Variants in HNF4A observed in about 807,000 individuals in gnomAD.
HNF4A encodes hepatocyte nuclear factor 4-alpha.
Under a neutral mutation model 52.4 loss-of-function variants are expected in HNF4A, and 15 were observed. The ratio of observed to expected loss-of-function variants is 0.29; its 90% CI spans 0.19 to 0.44. The LOEUF is 0.44. Among genes scored for constraint, HNF4A ranks in the 20% least tolerant of loss-of-function variants. The pLI is 1.00. For missense variants in HNF4A, 479 were observed against 647.2 expected (o/e 0.74, Z 2.82); for synonymous variants, 280 against 264.4 (o/e 1.06, Z -0.57).
chr20:44,382,063 A>G (rs927791870), intron 1 of HNF4A, among the ~76,000 whole-genome samples: 2 of 152,224 alleles, frequency 1.3e-5, no homozygotes, highest in East Asian at 1.9e-4. Context: ...TAAGGCTTGA[A>G]GAGCTTATGA....
rs2063514038 is a variant in HNF4A at position 44,407,245 on chromosome 20, G to A, written c.291-136G>A. 1.4e-5 allele frequency: 10 copies of A among 731,846 alleles called. No individual in the cohort carries two copies. In the East Asian group the frequency reaches 2.4e-4, roughly 18 times the overall value. The allele number at this position is 731,846 out of a possible 1,614,324, so 45.3% of individuals were successfully genotyped here. ...ATAGCACCTTTCCAGCTCCTGGTGG[G>A]TTCAAGAGAGAACTCCCGGGATGAA... On this transcript the variant is annotated intron_variant, in intron 2 of 9. Coordinates refer to ENST00000316099, the MANE Select transcript of HNF4A (RefSeq NM_000457.6).
chr20:44,379,989 C>A (rs147580496), intron 1 of HNF4A, among the ~76,000 whole-genome samples: 1 of 152,202 alleles, frequency 6.6e-6, no homozygotes, highest in African/African-American at 2.4e-5. Context: ...GCCTTGGCCT[C>A]CCAAAGTGCT....
At chr20:44,411,652 C>T (rs1362778216) in intron 3 of HNF4A, among the ~76,000 whole-genome samples, 1 of 152,172 alleles carries the variant, frequency 6.6e-6, no homozygotes, top group African/African-American at 2.4e-5. Flanking sequence ...GACTCCCGGG[C>T]TCAAGTGCAA....
intron 8 of HNF4A, 114 bp from the exon 9 acceptor site, chr20:44,428,221 C>A: frequency 9.7e-7 from 1 of 1,029,660 alleles, no homozygotes; most frequent in Non-Finnish European, 1.5e-6. Context: ...ACCCAACAGG[C>A]ACTGCCAATA....
chr20:44,359,809 TG>T (rs71195541), intron 1 of HNF4A, among the ~76,000 whole-genome samples: 28,877 of 152,072 alleles, frequency 0.19, 3,508 homozygotes, highest in East Asian at 0.44. Flanking sequence ...AAGGTAGTTC[TG>T]GGGAGTGTCT....
chr20:44,357,517 C>T (rs913114212), intron 1 of HNF4A, among the ~76,000 whole-genome samples: 1 of 152,136 alleles, frequency 6.6e-6, no homozygotes, highest in Non-Finnish European at 1.5e-5. Context: ...TAGGGGTGAA[C>T]AGAAGGCCCC....
At chr20:44,428,152 C>A (rs1042514714) in intron 8 of HNF4A, among the ~76,000 whole-genome samples, 183 bp from the exon 9 acceptor site, 1 of 152,146 alleles carries the variant, frequency 6.6e-6, no homozygotes, top group Non-Finnish European at 1.5e-5. Context: ...CCTCTTAACA[C>A]CCTCATGAAG....
intron 7 of HNF4A, among the ~76,000 whole-genome samples, chr20:44,420,578 G>A (rs1054112718): frequency 1.3e-5 from 2 of 152,066 alleles, no homozygotes; most frequent in Admixed American, 6.6e-5. Context: ...CCAGGAGTTC[G>A]AGGCCAGCCT....
At chr20:44,411,797 G>A (rs1311804622) in intron 3 of HNF4A, among the ~76,000 whole-genome samples, 6 of 151,928 alleles carry the variant, frequency 3.9e-5, no homozygotes, top group Non-Finnish European at 5.9e-5. Flanking sequence ...GTGGTGCCTC[G>A]CACCTGTAAT....
chr20:44,416,237 A>G (rs554422707), intron 5 of HNF4A, among the ~76,000 whole-genome samples: 4 of 152,320 alleles, frequency 2.6e-5, no homozygotes, highest in East Asian at 3.9e-4. Flanking sequence ...AGCTTGCCCA[A>G]TGCAGGTGGG....
At chr20:44,400,510 G>C (rs914694693), upstream of HNF4A, among the ~76,000 whole-genome samples, 5 of 152,032 alleles carry the variant, frequency 3.3e-5, no homozygotes, top group Non-Finnish European at 7.4e-5. Flanking sequence ...TTAGTAGACG[G>C]TAGGTGCCTG....
At chr20:44,407,531 C>T in intron 3 of HNF4A, 56 bp downstream of exon 3, 1 of 1,187,150 alleles carries the variant, frequency 8.4e-7, no homozygotes, top group South Asian at 1.3e-5. Context: ...CCCACAGCTC[C>T]CCGACAGTCA....
chr20:44,424,280 G>T, intron 8 of HNF4A, 26 bp downstream of exon 8: 1 of 1,611,908 alleles, frequency 6.2e-7, no homozygotes, highest in East Asian at 2.2e-5. Flanking sequence ...AGGAGGGGCG[G>T]GGTTGGAGTG....
intron 3 of HNF4A, among the ~76,000 whole-genome samples, chr20:44,410,300 A>G (rs1366322303): frequency 6.6e-6 from 1 of 152,220 alleles, no homozygotes; most frequent in Non-Finnish European, 1.5e-5. Context: ...GAGTTGGCTG[A>G]TGGCGAGTGA....
At chr20:44,413,632 G>A in intron 3 of HNF4A, 62 bp from the exon 4 acceptor site, 2 of 1,239,032 alleles carry the variant, frequency 1.6e-6, no homozygotes, top group South Asian at 2.5e-5. Context: ...ATCAGTCACA[G>A]ACACCCCCAC....
intron 1 of HNF4A, among the ~76,000 whole-genome samples, chr20:44,368,135 T>TATAC (rs1491265841): frequency 7.1e-5 from 3 of 42,352 alleles, no homozygotes; most frequent in African/African-American, 3.1e-4. Context: ...TGTGTGTGTG[T>TATAC]ATATACATAT....
intron 1 of HNF4A, among the ~76,000 whole-genome samples, chr20:44,385,846 C>T (rs887466071): frequency 6.6e-6 from 1 of 151,256 alleles, no homozygotes; most frequent in Non-Finnish European, 1.5e-5. Flanking sequence ...AGGTAGGACC[C>T]CAGGCATCTG....
In HNF4A at chr20:44,369,201, A is replaced by G. The variant is rs1286725456; in HGVS notation, c.49+13348A>G. The stretch of plus-strand genomic sequence containing the variant: ...GAGGTGGAGGTTTCAGTGAGCTGAG[A>G]TCACGCCATTGCATTCCAGCCTGGG... On this transcript the variant is annotated intron_variant, in intron 1 of 9. Transcript: ENST00000316673. Among the ~76,000 whole-genome samples, 4 of 140,532 alleles carry G rather than the reference A, an allele frequency of 2.8e-5. No individual in the cohort carries two copies. In the Admixed American group the frequency reaches 3.2e-4, roughly 11 times the overall value. 92.2% of individuals were successfully genotyped at this position (140,532 alleles called of 152,430 possible). A position where few individuals can be genotyped will look rare whatever the true frequency, so the allele number is the denominator to read the frequency against.
In HNF4A at chr20:44,429,505, G is replaced by A. The variant is rs759096179; in HGVS notation, c.1283-18G>A. ...CTGGAATTTTGAGCAGCCCCTGTCT[G>A]TCTGTTTGTCCTTCCAGCCACCCCT... On this transcript the variant is annotated intron_variant, in intron 9 of 9. Transcript: ENST00000316099. 6.2e-7 allele frequency: 1 copy of A among 1,614,108 alleles called. No homozygotes were observed. Among genetic ancestry groups the A allele is most frequent in the South Asian group, 1.1e-5 (1 of 91,076 alleles).
Sources: gnomAD v4.1 joint callset for allele counts (sites outside exome capture counted in the v4.1 genomes callset) on GRCh38, gnomAD v4.1.1 for gene constraint, MANE v1.5 for transcripts, NCBI Gene and HGNC (gene_info 2026-07-23, HGNC 2026-07-21) for gene names.